Variants in PTPRD observed in about 807,000 individuals in gnomAD.
PTPRD encodes receptor-type tyrosine-protein phosphatase delta.
Under a neutral mutation model 214.5 loss-of-function variants are expected in PTPRD, and 34 were observed. That is an observed-to-expected ratio of 0.16 (90% CI 0.12 to 0.21). The LOEUF (loss-of-function observed/expected upper bound fraction) is 0.21, where lower values mean the gene tolerates loss of function less well. PTPRD is among the 10% of genes least tolerant of loss of function. The probability of loss-of-function intolerance (pLI) is 1.00; values close to 1 mark genes in which losing one functional copy is unlikely to be tolerated. For synonymous variants in PTPRD, 1,128 were observed against 845.7 expected, an observed-to-expected ratio of 1.33 and a Z score of -5.79; for missense variants, 2,545 against 2,398.7, an observed-to-expected ratio of 1.06 and a Z score of -1.27.
At chr9:8,650,026 T>C (rs998323113) in intron 12 of PTPRD, among the ~76,000 whole-genome samples, 101 of 152,196 alleles carry the variant, frequency 6.6e-4, no homozygotes, top group Non-Finnish European at 5.4e-4. Flanking sequence ...CAAGCCATCC[T>C]CCCAGCTCAA....
chr9:9,640,880 T>C (rs183567587), intron 7 of PTPRD, among the ~76,000 whole-genome samples: 306 of 152,350 alleles, frequency 2.0e-3, no homozygotes, highest in Non-Finnish European at 3.4e-3. Context: ...GCAAGTACAT[T>C]ATATGCCAAG....
At chr9:9,224,967 T>C (rs938852914) in intron 9 of PTPRD, among the ~76,000 whole-genome samples, 2 of 152,016 alleles carry the variant, frequency 1.3e-5, no homozygotes, top group African/African-American at 4.8e-5. Flanking sequence ...TGACTTCCTG[T>C]TACTTTGGTG....
chr9:8,713,892 G>T (rs1041761832), intron 12 of PTPRD: 16 of 943,216 alleles, frequency 1.7e-5, no homozygotes, highest in Non-Finnish European at 2.5e-5. Context: ...GAACGCCCCG[G>T]TGGAAAAAAA....
At chr9:10,548,080 C>A (rs1296354698) in intron 2 of PTPRD, among the ~76,000 whole-genome samples, 1 of 151,828 alleles carries the variant, frequency 6.6e-6, no homozygotes, top group Non-Finnish European at 1.5e-5. Context: ...TCTCACAGCT[C>A]TGAGACAGTG....
intron 3 of PTPRD, among the ~76,000 whole-genome samples, chr9:10,141,236 G>A (rs13290562): frequency 0.066 from 10,071 of 151,962 alleles, 476 homozygotes; most frequent in Admixed American, 0.13. Flanking sequence ...ACATAGTGTT[G>A]GAATTTTTGG....
At chr9:9,109,350 A>T (rs1366063778) in intron 10 of PTPRD, among the ~76,000 whole-genome samples, 1 of 152,166 alleles carries the variant, frequency 6.6e-6, no homozygotes, top group African/African-American at 2.4e-5. Flanking sequence ...ATGGTCATGA[A>T]GAGAGGCTAT....
chr9:10,112,766 C>A (rs2890901), intron 3 of PTPRD, among the ~76,000 whole-genome samples: 3 of 152,076 alleles, frequency 2.0e-5, no homozygotes, highest in African/African-American at 7.2e-5. Flanking sequence ...CTAGGAAGAA[C>A]GAGAACAATG....
At chr9:10,572,605 T>C (rs991154424) in intron 2 of PTPRD, among the ~76,000 whole-genome samples, 3 of 152,158 alleles carry the variant, frequency 2.0e-5, no homozygotes, top group Admixed American at 2.0e-4. Context: ...GAGCTATTCT[T>C]ACCAACTAAA....
chr9:10,459,661 G>A (rs140113638), intron 2 of PTPRD, among the ~76,000 whole-genome samples: 2 of 151,764 alleles, frequency 1.3e-5, no homozygotes, highest in East Asian at 3.9e-4. Flanking sequence ...GTGATGAAGA[G>A]CTTTTTTTTT....
chr9:9,779,272 T>C (rs2154488484), intron 5 of PTPRD, among the ~76,000 whole-genome samples: 1 of 151,860 alleles, frequency 6.6e-6, no homozygotes, highest in South Asian at 2.1e-4. Flanking sequence ...ACCTAGAAAA[T>C]ACACTTCCAG....
intron 2 of PTPRD, among the ~76,000 whole-genome samples, chr9:10,388,591 A>G (rs2097977232): frequency 6.6e-6 from 1 of 151,884 alleles, no homozygotes; most frequent in African/African-American, 2.4e-5. Flanking sequence ...TTAAAATATT[A>G]TATTGAATTT....
rs114060986 is a variant in PTPRD at position 10,551,141 on chromosome 9, C to A, written c.-600+61257G>T. On this transcript the variant is annotated intron_variant, in intron 2 of 45. Coordinates refer to ENST00000381196, the MANE Select transcript of PTPRD (RefSeq NM_002839.4). ...TTGAGGCCAGAAGTCCAAGACCAGC[C>A]TGGGCAACAGAGTGACACCCCCAAC... Among the ~76,000 whole-genome samples the A allele has an allele frequency of 7.3e-3, 1,106 of 152,162 alleles. 11 individuals are homozygous for A. The highest frequency in any genetic ancestry group is 0.026 in the African/African-American group (1,069 of 41,508).
chr9:8,858,492 G>C (rs900966028), intron 11 of PTPRD, among the ~76,000 whole-genome samples: 1 of 152,054 alleles, frequency 6.6e-6, no homozygotes, highest in Non-Finnish European at 1.5e-5. Flanking sequence ...GGGGAGGGGG[G>C]AAAATTAAAC....
intron 7 of PTPRD, among the ~76,000 whole-genome samples, chr9:9,717,322 T>C (rs2097852759): frequency 6.6e-6 from 1 of 152,194 alleles, no homozygotes; most frequent in Non-Finnish European, 1.5e-5. Context: ...TAGGATTGAC[T>C]TGGTAATGCG....
chr9:9,467,376 T>G (rs2094257459), intron 8 of PTPRD, among the ~76,000 whole-genome samples: 1 of 150,686 alleles, frequency 6.6e-6, no homozygotes, highest in African/African-American at 2.4e-5. Context: ...TCGTCTGAGG[T>G]CAGGAGTTCA....
intron 14 of PTPRD, among the ~76,000 whole-genome samples, chr9:8,537,055 A>C (rs1278865823): frequency 6.6e-6 from 1 of 152,034 alleles, no homozygotes; most frequent in Non-Finnish European, 1.5e-5. Context: ...GTGTAAATAA[A>C]GCTTTTATTT....
chr9:8,929,077 A>G (rs10283776), intron 11 of PTPRD, among the ~76,000 whole-genome samples: 95,884 of 151,936 alleles, frequency 0.63, 30,695 homozygotes, highest in East Asian at 0.92. Context: ...ATCAGCTTGC[A>G]GAAATTTTGG....
At chr9:10,022,538 T>A (rs564260551) in intron 4 of PTPRD, among the ~76,000 whole-genome samples, 1 of 152,290 alleles carries the variant, frequency 6.6e-6, no homozygotes, top group Admixed American at 6.5e-5. Context: ...TTGAAAGTAA[T>A]GGCATTACAT....
intron 10 of PTPRD, among the ~76,000 whole-genome samples, chr9:9,161,836 C>T (rs2099889786): frequency 1.3e-5 from 2 of 149,588 alleles, no homozygotes; most frequent in African/African-American, 2.5e-5. Context: ...GTAATGGTAA[C>T]ATTACTGCAT....
Sources: gnomAD v4.1 joint callset for allele counts (sites outside exome capture counted in the v4.1 genomes callset) on GRCh38, gnomAD v4.1.1 for gene constraint, MANE v1.5 for transcripts, NCBI Gene and HGNC (gene_info 2026-07-23, HGNC 2026-07-21) for gene names.